The following PITPNM3 variants were observed in gnomAD, a reference collection of about 807,000 sequenced individuals.
PITPNM3 encodes the protein membrane-associated phosphatidylinositol transfer protein 3.
PITPNM3 carries 26 observed loss-of-function variants against 102.0 expected under a neutral mutation model. The observed-to-expected ratio is 0.25, with a 90% CI of 0.19 to 0.35. The LOEUF is 0.35. Among genes scored for constraint, PITPNM3 ranks in the 10% least tolerant of loss-of-function variants. The probability of loss-of-function intolerance (pLI) is 1.00; values close to 1 mark genes in which losing one functional copy is unlikely to be tolerated. For synonymous variants in PITPNM3, 578 were observed against 558.6 expected, an observed-to-expected ratio of 1.03 and a Z score of -0.49; for missense variants, 1,083 against 1,346.1, an observed-to-expected ratio of 0.80 and a Z score of 3.06.
Position 6,517,564 on chromosome 17 carries a change from AT to A in PITPNM3, c.226+7791del, listed in dbSNP as rs59210645. On this transcript the variant is annotated intron_variant, in intron 3 of 19. Transcript: ENST00000262483. This position sits in a 1 kb window ranked among gnomAD's most constrained non-coding sequence, Gnocchi z 4.1. ...TAGAAAATGCCAGTTTTTATTTTTAATTTTTTTTTTTTTGAGACAGGGGCTC... is the reference window on the plus strand; with the variant it reads ...TAGAAAATGCCAGTTTTTATTTTTAATTTTTTTTTTTTGAGACAGGGGCTC... 0.053 allele frequency among the ~76,000 whole-genome samples: 7,781 copies of A among 146,878 alleles called. 595 individuals are homozygous for A. The highest frequency in any genetic ancestry group is 0.17 in the African/African-American group (7,039 of 40,484).
rs1013903130 is a variant in PITPNM3 at position 6,483,661 on chromosome 17, G to A, written c.443C>T (p.Ser148Phe). 6.2e-7 allele frequency: 1 copy of A among 1,612,686 alleles called. No homozygotes were observed. Among genetic ancestry groups the A allele is most frequent in the Non-Finnish European group, 8.5e-7 (1 of 1,179,544 alleles). ...GGTGTGGATGTCGGCTGCCTTGCAG[G>A]ACGGGTCCCCGGCACCCGTGTCCAG... ...NILDTGAGDP[S>F]CKAADIHTFS... Residue 148 changes from serine (S) to phenylalanine (F), a missense_variant, in exon 6 of 20, where the codon TCC (serine) becomes TTC (phenylalanine). This residue lies in a region of PITPNM3 where 290 missense variants were observed against 337.8 expected (regional missense o/e 0.86). Transcript: ENST00000262483.
chr17:6,522,973 A>C (rs1177004087), intron 3 of PITPNM3, among the ~76,000 whole-genome samples: 1 of 152,056 alleles, frequency 6.6e-6, no homozygotes, highest in Non-Finnish European at 1.5e-5. Flanking sequence ...ATTGAAATGA[A>C]TGTGTGTGTT....
At chr17:6,533,451 TTTG>T (rs746580803) in intron 2 of PITPNM3, among the ~76,000 whole-genome samples, 15 of 151,552 alleles carry the variant, frequency 9.9e-5, no homozygotes, top group South Asian at 2.1e-4. Context: ...TTTATGGTGT[TTTG>T]TTGTTGTTGT....
intron 15 of PITPNM3, 44 bp downstream of exon 15, chr17:6,464,611 G>A (rs1904665980): frequency 1.9e-6 from 3 of 1,546,898 alleles, no homozygotes; most frequent in South Asian, 1.1e-5. Context: ...GAGGCACCTG[G>A]TGCAGGTGGA....
chr17:6,495,362 G>A (rs939299818), intron 4 of PITPNM3, among the ~76,000 whole-genome samples: 1 of 152,146 alleles, frequency 6.6e-6, no homozygotes, highest in Non-Finnish European at 1.5e-5. Context: ...GAGCTTCCTG[G>A]CTTTTGTTTC....
At chr17:6,507,111 GT>G (rs1485865440) in intron 3 of PITPNM3, among the ~76,000 whole-genome samples, 3 of 152,050 alleles carry the variant, frequency 2.0e-5, no homozygotes, top group Non-Finnish European at 4.4e-5. Context: ...GCCAGCGGCT[GT>G]CCATGGGCAG....
At chr17:6,535,194 CCAGGGT>C (rs143350275) in intron 2 of PITPNM3, among the ~76,000 whole-genome samples, 3 of 151,582 alleles carry the variant, frequency 2.0e-5, no homozygotes, top group Non-Finnish European at 4.4e-5. Context: ...GAGACCACAC[CCAGGGT>C]CAGGGTCAGG....
chr17:6,493,248 C>G (rs1287435947), intron 4 of PITPNM3, among the ~76,000 whole-genome samples: 1 of 152,210 alleles, frequency 6.6e-6, no homozygotes, highest in East Asian at 1.9e-4. Context: ...ACATCCCTGC[C>G]CTGCCCCTGC....
At chr17:6,544,652 TCTCACA>T (rs1567696705) in intron 1 of PITPNM3, among the ~76,000 whole-genome samples, 1 of 70,266 alleles carries the variant, frequency 1.4e-5, no homozygotes, top group African/African-American at 8.0e-5. Context: ...TCTCTCTCTC[TCTCACA>T]CACACACACA....
At chr17:6,456,513 A>C (rs989514277) in intron 19 of PITPNM3, among the ~76,000 whole-genome samples, 1 of 152,108 alleles carries the variant, frequency 6.6e-6, no homozygotes, top group South Asian at 2.1e-4. Context: ...GGCAGCATCA[A>C]CACCACCTGG....
intron 9 of PITPNM3, among the ~76,000 whole-genome samples, chr17:6,476,470 C>A (rs1905303605): frequency 6.6e-6 from 1 of 152,144 alleles, no homozygotes; most frequent in South Asian, 2.1e-4. Context: ...AGTTAAAGGG[C>A]AAACAGTTCT....
chr17:6,484,187 GC>G, intron 5 of PITPNM3, 28 bp downstream of exon 5: 1 of 1,566,112 alleles, frequency 6.4e-7, no homozygotes, highest in Non-Finnish European at 8.8e-7. Flanking sequence ...TCTGAGTTGA[GC>G]CCAGACACCC....
intron 2 of PITPNM3, among the ~76,000 whole-genome samples, chr17:6,532,473 G>T (rs1202336326): frequency 1.3e-5 from 2 of 151,986 alleles, no homozygotes; most frequent in African/African-American, 2.4e-5. Flanking sequence ...GTTCTCTCCT[G>T]CCCCTATTTA....
At chr17:6,505,580 T>C (rs1236334894) in intron 3 of PITPNM3, among the ~76,000 whole-genome samples, 3 of 152,188 alleles carry the variant, frequency 2.0e-5, no homozygotes, top group African/African-American at 7.2e-5. Context: ...AATGACCCAG[T>C]ATCCAATACA....
intron 10 of PITPNM3, among the ~76,000 whole-genome samples, chr17:6,473,874 G>A (rs985867469): frequency 1.3e-5 from 2 of 151,782 alleles, no homozygotes; most frequent in African/African-American, 4.8e-5. Flanking sequence ...CTACTCGGGA[G>A]GCTGAGGCAG....
At chr17:6,529,352 T>C (rs1176629852) in intron 2 of PITPNM3, among the ~76,000 whole-genome samples, 1 of 152,134 alleles carries the variant, frequency 6.6e-6, no homozygotes, top group African/African-American at 2.4e-5. Context: ...CCCAGCACTT[T>C]GTGAGGCTGA....
chr17:6,460,477 T>G (rs549302997), intron 18 of PITPNM3: 3 of 152,272 alleles, frequency 2.0e-5, no homozygotes, highest in Non-Finnish European at 4.4e-5. Context: ...AGATAGTAAA[T>G]ATATCAGGCT....
rs1408132256 is a variant in PITPNM3, at chr17:6,517,447, G to T, written c.226+7909C>A. 6.6e-6 allele frequency among the ~76,000 whole-genome samples: 1 copy of T among 152,268 alleles called. No individual in the cohort carries two copies. Among genetic ancestry groups the T allele is most frequent in the East Asian group, 1.9e-4 (1 of 5,208 alleles). On this transcript the variant is annotated intron_variant, in intron 3 of 19. Transcript: ENST00000262483. This position sits in a 1 kb window ranked among gnomAD's most constrained non-coding sequence, Gnocchi z 4.1. Reference sequence around the variant, plus strand: ...ATGGCCAGGGGCCATGGGAGCTGGGGAGTTAGGAAGAGAAGGAAGAAAAAA... The same window carrying T: ...ATGGCCAGGGGCCATGGGAGCTGGGTAGTTAGGAAGAGAAGGAAGAAAAAA...
chr17:6,534,720 C>T (rs2150660008), intron 2 of PITPNM3, among the ~76,000 whole-genome samples: 1 of 152,288 alleles, frequency 6.6e-6, no homozygotes, highest in East Asian at 1.9e-4. Flanking sequence ...CCTAGCTACG[C>T]AGTTTCTTCC....
Sources: gnomAD v4.1 joint callset for allele counts (sites outside exome capture counted in the v4.1 genomes callset) on GRCh38, gnomAD v4.1.1 for gene constraint, gnomAD v4.1.1 regional missense constraint, Gnocchi (gnomAD v3.1) non-coding constraint, MANE v1.5 for transcripts, NCBI Gene and HGNC (gene_info 2026-07-23, HGNC 2026-07-21) for gene names.